PYGO1: variants seen among roughly 807,000 people sequenced by gnomAD.
PYGO1 encodes the protein pygopus homolog 1.
PYGO1 carries 6 observed loss-of-function variants against 29.5 expected under a neutral mutation model. That is an observed-to-expected ratio of 0.20 (90% CI 0.11 to 0.40). The LOEUF (loss-of-function observed/expected upper bound fraction) is 0.40. Ranked by LOEUF, PYGO1 falls within the 10% of genes least tolerant of loss-of-function variation. The pLI is 1.00. For missense variants in PYGO1, 515 were observed against 514.9 expected, an observed-to-expected ratio of 1.00 and a Z score of 0.00; for synonymous variants, 186 against 180.5, an observed-to-expected ratio of 1.03 and a Z score of -0.24.
chr15:55,564,468 T>C lies in PYGO1; in HGVS notation c.50-15473A>G, dbSNP rs116435812. Among the ~76,000 whole-genome samples the C allele has an allele frequency of 5.5e-3, 830 of 152,232 alleles. 7 individuals carry two copies. The highest frequency in any genetic ancestry group is 0.018 in the African/African-American group (757 of 41,546). On this transcript the variant is annotated intron_variant, in intron 1 of 2. Transcript: ENST00000563719. ...CTTTTTGAGGCAATGGAAAGTAATA[T>C]AGAATTAGAAAGTAGAGGGTAAAGT...
intron 1 of PYGO1, among the ~76,000 whole-genome samples, chr15:55,567,197 CTTTTTTTTT>C (rs71297645): frequency 5.1e-4 from 24 of 47,082 alleles, no homozygotes; most frequent in South Asian, 1.5e-3. Flanking sequence ...TTTTGCCCAC[CTTTTTTTTT>C]TTTTTTTTTT....
In PYGO1 at chr15:55,587,941, T is replaced by C; in HGVS notation, c.-58A>G. 3 of 1,447,354 alleles carry C rather than the reference T, an allele frequency of 2.1e-6. No individual in the cohort carries two copies. The highest frequency in any genetic ancestry group is 9.1e-7 in the Non-Finnish European group (1 of 1,096,342). The allele number at this position is 1,447,354 out of a possible 1,614,324, so 89.7% of individuals were successfully genotyped here. A position where few individuals can be genotyped will look rare whatever the true frequency, so the allele number is the denominator to read the frequency against. On this transcript the variant is annotated 5_prime_UTR_variant, in exon 1 of 3. Coordinates refer to ENST00000563719, the MANE Select transcript of PYGO1 (RefSeq NM_001367806.1). ...CGCGGGAATTCGGTCTCTTTGATGC[T>C]GCGGCGGCGGCTCCTCCTCCTCGCG...
intron 1 of PYGO1, among the ~76,000 whole-genome samples, chr15:55,563,664 T>G (rs1285211399): frequency 1.3e-5 from 2 of 152,176 alleles, no homozygotes; most frequent in Non-Finnish European, 2.9e-5. Flanking sequence ...ATAAATTCTT[T>G]AGTGGAGATT....
In PYGO1 at chr15:55,548,707, TAAAAAAAAAAAAAAAAAAAAAAAA is replaced by T. The variant is rs60796044; in HGVS notation, c.135+179_135+202del. Among the ~76,000 whole-genome samples the T allele has an allele frequency of 4.7e-4, 26 of 55,446 alleles. No homozygotes were observed. The East Asian group carries it at 8.0e-3, about 17-fold the overall frequency. The allele number at this position is 55,446 out of a possible 152,430, so 36.4% of individuals were successfully genotyped here. A position where few individuals can be genotyped will look rare whatever the true frequency, so the allele number is the denominator to read the frequency against. On this transcript the variant is annotated intron_variant, in intron 2 of 2. Transcript: ENST00000563719. ...TCTGGCAACAGAGCAAGAATCCACC[TAAAAAAAAAAAAAAAAAAAAAAAA>T]AAAAAAAAAAAAAAAAAAGAAAGTA...
intron 1 of PYGO1, among the ~76,000 whole-genome samples, chr15:55,550,985 T>C (rs1282114742): frequency 6.6e-6 from 1 of 152,150 alleles, no homozygotes; most frequent in African/African-American, 2.4e-5. Context: ...CCATAAGAAA[T>C]GCACAACCTA....
chr15:55,568,320 C>CTGTGTA (rs1555425854), intron 1 of PYGO1, among the ~76,000 whole-genome samples: 12 of 125,828 alleles, frequency 9.5e-5, no homozygotes, highest in African/African-American at 3.8e-4. Flanking sequence ...TTCCTAGGTA[C>CTGTGTA]TGTGTGTGTG....
Position 55,543,826 on chromosome 15 carries a change from T to C in PYGO1, c.*2197A>G, listed in dbSNP as rs1397099779. 1 of 152,184 alleles carries C rather than the reference T, an allele frequency of 6.6e-6. No homozygotes were observed. The highest frequency in any genetic ancestry group is 6.5e-5 in the Admixed American group (1 of 15,274). The allele number at this position is 152,184 out of a possible 1,614,324, so 9.4% of individuals were successfully genotyped here. On this transcript the variant is annotated 3_prime_UTR_variant, in exon 3 of 3. Coordinates refer to ENST00000563719, the MANE Select transcript of PYGO1 (RefSeq NM_001367806.1). ...TGATGCTACAACTAGGCATACAGCA[T>C]ACAGTGCATCATTTATTAAAAATCA...
chr15:55,586,838 C>T (rs2059048711), intron 1 of PYGO1, among the ~76,000 whole-genome samples: 1 of 152,216 alleles, frequency 6.6e-6, no homozygotes, highest in South Asian at 2.1e-4. Flanking sequence ...ACACATATTT[C>T]CTCTCCTCTA....
At position 55,546,235 on chromosome 15, in the gene PYGO1, C is replaced by T. The variant is rs2058849360; in HGVS notation, c.1048G>A (p.Val350Met). 1 of 1,614,084 alleles carries T rather than the reference C, an allele frequency of 6.2e-7. No homozygotes were observed. Among genetic ancestry groups the T allele is most frequent in the Admixed American group, 1.7e-5 (1 of 60,002 alleles). ...VYPCGICTNE[V>M]NDDQDAILCE... ...AAGATGGCATCCTGATCATCGTTCA[C>T]CTCGTTTGTACAAATTCCACAAGGA... Residue 350 changes from valine to methionine, a missense_variant, in exon 3 of 3, where the codon GTG (valine) becomes ATG (methionine). Coordinates refer to ENST00000563719, the MANE Select transcript of PYGO1 (RefSeq NM_001367806.1).
chr15:55,578,797 T>C (rs2059014389), intron 1 of PYGO1, among the ~76,000 whole-genome samples: 1 of 152,208 alleles, frequency 6.6e-6, no homozygotes, highest in African/African-American at 2.4e-5. Flanking sequence ...GTGCGGGTTG[T>C]CTATTTTTAC....
Position 55,587,921 on chromosome 15 carries a change from G to A in PYGO1, c.-38C>T. The A allele has an allele frequency of 2.7e-6, 4 of 1,464,484 alleles. No individual in the cohort carries two copies. Among genetic ancestry groups the A allele is most frequent in the Non-Finnish European group, 3.6e-6 (4 of 1,106,506 alleles). The allele number at this position is 1,464,484 out of a possible 1,614,324, so 90.7% of individuals were successfully genotyped here. A position where few individuals can be genotyped will look rare whatever the true frequency, so the allele number is the denominator to read the frequency against. On this transcript the variant is annotated 5_prime_UTR_variant, in exon 1 of 3. Coordinates refer to ENST00000563719, the MANE Select transcript of PYGO1 (RefSeq NM_001367806.1). ...AGCATGACTCCCCCCCAGGCCGCGG[G>A]AATTCGGTCTCTTTGATGCTGCGGC...
chr15:55,541,435 C>T lies in PYGO1; in HGVS notation c.*4588G>A, dbSNP rs2058827653. ...GCCTAAAGGAAACTGGAAGTACCCT[C>T]AGACAGTACCAGCTAATTCACTAAA... is the stretch of plus-strand genomic sequence containing the variant. On this transcript the variant is annotated 3_prime_UTR_variant, in exon 3 of 3. Coordinates refer to ENST00000563719, the MANE Select transcript of PYGO1 (RefSeq NM_001367806.1). The T allele has an allele frequency of 6.6e-6, 1 of 152,220 alleles. No individual in the cohort carries two copies. Among genetic ancestry groups the T allele is most frequent in the Admixed American group, 6.5e-5 (1 of 15,284 alleles). 9.4% of individuals were successfully genotyped at this position (152,220 alleles called of 1,614,324 possible).
chr15:55,569,923 T>C (rs1293678397), intron 1 of PYGO1, among the ~76,000 whole-genome samples: 2 of 152,204 alleles, frequency 1.3e-5, no homozygotes, highest in African/African-American at 2.4e-5. Flanking sequence ...CACAACCAGA[T>C]TTAAAATGGC....
intron 1 of PYGO1, among the ~76,000 whole-genome samples, chr15:55,578,462 T>A (rs1395085448): frequency 6.6e-6 from 1 of 152,180 alleles, no homozygotes; most frequent in East Asian, 1.9e-4. Context: ...CTACATCATT[T>A]TATATTTTCA....
intron 1 of PYGO1, among the ~76,000 whole-genome samples, chr15:55,584,070 C>T (rs2141680115): frequency 6.7e-6 from 1 of 149,276 alleles, no homozygotes; most frequent in East Asian, 2.0e-4. Flanking sequence ...CTGTCCTGTA[C>T]TAGACTTAAC....
chr15:55,582,383 T>G (rs79396235), intron 1 of PYGO1, among the ~76,000 whole-genome samples: 9,192 of 151,938 alleles, frequency 0.06, 353 homozygotes, highest in East Asian at 0.14. Context: ...AAAAACAAAA[T>G]TCATTTATCT....
chr15:55,582,865 T>A (rs2059030963), intron 1 of PYGO1, among the ~76,000 whole-genome samples: 2 of 152,214 alleles, frequency 1.3e-5, no homozygotes. Context: ...AATTTGTGAC[T>A]GCATAAATTA....
chr15:55,582,228 A>G (rs2059028074), intron 1 of PYGO1, among the ~76,000 whole-genome samples: 1 of 147,400 alleles, frequency 6.8e-6, no homozygotes, highest in African/African-American at 2.6e-5. Flanking sequence ...AAAAAAAATT[A>G]AGGAGACAGA....
rs1002899100 is a variant in PYGO1 at position 55,588,008 on chromosome 15, G to T, written c.-125C>A. The T allele has an allele frequency of 7.6e-7, 1 of 1,322,484 alleles. No homozygotes were observed. The highest frequency in any genetic ancestry group is 9.7e-7 in the Non-Finnish European group (1 of 1,031,348). 81.9% of individuals were successfully genotyped at this position (1,322,484 alleles called of 1,614,324 possible). A position where few individuals can be genotyped will look rare whatever the true frequency, so the allele number is the denominator to read the frequency against. ...GAGGCAAGCCTCGGAGCCGAGGCAC[G>T]GCCGAGGGCGGTGGGGACGCGGGCC... On this transcript the variant is annotated 5_prime_UTR_variant, in exon 1 of 3. Coordinates refer to ENST00000563719, the MANE Select transcript of PYGO1 (RefSeq NM_001367806.1).
Sources: gnomAD v4.1 joint callset for allele counts (sites outside exome capture counted in the v4.1 genomes callset) on GRCh38, gnomAD v4.1.1 for gene constraint, MANE v1.5 for transcripts, NCBI Gene and HGNC (gene_info 2026-07-23, HGNC 2026-07-21) for gene names.